The following DNTT variants were observed in gnomAD, a reference collection of about 807,000 sequenced individuals.
The protein encoded by DNTT is DNA nucleotidylexotransferase.
A neutral mutation model predicts 60.9 loss-of-function variants in DNTT; 47 were observed. That is an observed-to-expected ratio of 0.77 (90% CI 0.61 to 0.98). The LOEUF (loss-of-function observed/expected upper bound fraction) is 0.98, where lower values mean the gene tolerates loss of function less well. Among genes scored for constraint, DNTT ranks in the 50% least tolerant of loss-of-function variants. The pLI is 0.00. For synonymous variants in DNTT, 224 were observed against 221.2 expected (o/e 1.01, Z -0.11); for missense variants, 665 against 627.5 (o/e 1.06, Z -0.64).
At chr10:96,334,075 A>T (rs756044201) in intron 9 of DNTT, among the ~76,000 whole-genome samples, 16 of 152,236 alleles carry the variant, frequency 1.1e-4, no homozygotes, top group Non-Finnish European at 2.2e-4. Context: ...AAAATATCAT[A>T]TTATAACCCA....
chr10:96,306,569 C>T (rs1418128952), intron 1 of DNTT: 2 of 152,250 alleles, frequency 1.3e-5, no homozygotes, highest in African/African-American at 4.8e-5. Context: ...TTATTATAGA[C>T]ACAGCAATGA....
At chr10:96,319,037 G>A (rs1031280448) in intron 2 of DNTT, among the ~76,000 whole-genome samples, 1 of 152,078 alleles carries the variant, frequency 6.6e-6, no homozygotes, top group Non-Finnish European at 1.5e-5. Context: ...CATAGAAAAC[G>A]AAGATGATAT....
At chr10:96,319,151 C>T in intron 2 of DNTT, 111 bp from the exon 3 acceptor site, 1 of 1,214,418 alleles carries the variant, frequency 8.2e-7, no homozygotes, top group South Asian at 1.9e-5. Context: ...AATTTTGAGT[C>T]TCCTATAATT....
At chr10:96,336,938 A>AG (rs747280819) in intron 10 of DNTT, among the ~76,000 whole-genome samples, 5 of 44,374 alleles carry the variant, frequency 1.1e-4, no homozygotes, top group African/African-American at 2.8e-4. Flanking sequence ...ACTCTGTGTC[A>AG]GGAAAAAAAA....
chr10:96,319,520 G>A, intron 3 of DNTT, 130 bp downstream of exon 3: 1 of 1,299,214 alleles, frequency 7.7e-7, no homozygotes, highest in Non-Finnish European at 1.1e-6. Flanking sequence ...TGCAGCCCTA[G>A]CCTGATCTCT....
intron 1 of DNTT, among the ~76,000 whole-genome samples, chr10:96,309,420 A>T (rs1289625376): frequency 6.6e-6 from 1 of 152,168 alleles, no homozygotes; most frequent in African/African-American, 2.4e-5. Context: ...ACCTGGAATT[A>T]AAAAAGTAGC....
intron 2 of DNTT, 39 bp downstream of exon 2, chr10:96,318,565 G>C: frequency 2.5e-6 from 4 of 1,601,318 alleles, no homozygotes; most frequent in Non-Finnish European, 3.4e-6. Context: ...TTCTTTGCTT[G>C]ATGGTTAAGA....
chr10:96,320,042 C>T (rs1844847420), intron 3 of DNTT, among the ~76,000 whole-genome samples: 1 of 152,214 alleles, frequency 6.6e-6, no homozygotes, highest in African/African-American at 2.4e-5. Flanking sequence ...TTCTAGACTT[C>T]CAGCTCCATG....
At chr10:96,308,380 CT>C (rs1318279851) in intron 1 of DNTT, among the ~76,000 whole-genome samples, 1 of 152,150 alleles carries the variant, frequency 6.6e-6, no homozygotes, top group Non-Finnish European at 1.5e-5. Context: ...TATTAAAACC[CT>C]TGAGGCATTT....
intron 4 of DNTT, 72 bp from the exon 5 acceptor site, chr10:96,322,585 C>A: frequency 7.9e-7 from 1 of 1,262,766 alleles, no homozygotes. Context: ...CTACTAGGTC[C>A]ATGAATTTGA....
chr10:96,318,322 CA>C (rs747757420), intron 1 of DNTT, 29 bp from the exon 2 acceptor site: 41 of 1,584,902 alleles, frequency 2.6e-5, no homozygotes, highest in Non-Finnish European at 3.4e-5. Context: ...AAAGATGTTT[CA>C]GCTGGTAACT....
chr10:96,325,934 GAA>G (rs1282204865), intron 6 of DNTT, among the ~76,000 whole-genome samples: 1 of 152,190 alleles, frequency 6.6e-6, no homozygotes, highest in Admixed American at 6.5e-5. Context: ...CGTTTGCCTT[GAA>G]AAGTCAGTTT....
At chr10:96,307,343 G>GTTTTTTT (rs533516556) in intron 1 of DNTT, among the ~76,000 whole-genome samples, 9 of 67,596 alleles carry the variant, frequency 1.3e-4, no homozygotes, top group African/African-American at 5.1e-4. Context: ...GGGTTTTCCA[G>GTTTTTTT]TTTTTTTTTT....
chr10:96,308,373 T>G (rs1414749081), intron 1 of DNTT, among the ~76,000 whole-genome samples: 1 of 152,192 alleles, frequency 6.6e-6, no homozygotes, highest in Non-Finnish European at 1.5e-5. Context: ...GGGAAAGTAT[T>G]AAAACCCTTG....
intron 6 of DNTT, among the ~76,000 whole-genome samples, chr10:96,325,114 G>A (rs1232122474): frequency 6.6e-6 from 1 of 152,000 alleles, no homozygotes; most frequent in African/African-American, 2.4e-5. Flanking sequence ...TAAAAATGAA[G>A]GAATGGCAAT....
intron 9 of DNTT, among the ~76,000 whole-genome samples, chr10:96,334,735 C>T (rs1462359114): frequency 6.6e-6 from 1 of 152,140 alleles, no homozygotes; most frequent in Non-Finnish European, 1.5e-5. Flanking sequence ...ATCATAAATG[C>T]AACTTGTCTG....
chr10:96,309,477 A>AG (rs1487651317), intron 1 of DNTT, among the ~76,000 whole-genome samples: 4 of 152,158 alleles, frequency 2.6e-5, no homozygotes, highest in Non-Finnish European at 5.9e-5. Flanking sequence ...AAAAAAAAAA[A>AG]AAGTTAGCAT....
At chr10:96,331,914 A>T (rs1481623904) in intron 8 of DNTT, among the ~76,000 whole-genome samples, 1 of 152,134 alleles carries the variant, frequency 6.6e-6, no homozygotes, top group African/African-American at 2.4e-5. Flanking sequence ...AGTAGCTGGG[A>T]CTATAGACAC....
chr10:96,306,896 A>T (rs912394476), intron 1 of DNTT, among the ~76,000 whole-genome samples: 5 of 152,216 alleles, frequency 3.3e-5, no homozygotes, highest in Non-Finnish European at 5.9e-5. Flanking sequence ...AGATATATAG[A>T]CTTTAATTGG....
Sources: allele counts gnomAD v4.1 joint callset (sites outside exome capture counted in the v4.1 genomes callset), GRCh38; gene constraint gnomAD v4.1.1; transcripts MANE v1.5; gene names NCBI Gene and HGNC (gene_info 2026-07-23, HGNC 2026-07-21).